The following SMIM36 variants were observed in gnomAD, a reference collection of about 807,000 sequenced individuals.
The protein encoded by SMIM36 is small integral membrane protein 36.
At chr17:55,489,114 A>G (rs1240760936) in intron 1 of SMIM36, among the ~76,000 whole-genome samples, 2 of 152,012 alleles carry the variant, frequency 1.3e-5, no homozygotes, top group African/African-American at 4.8e-5. Flanking sequence ...ACAATGACTC[A>G]CGCCTGTAAT....
chr17:55,515,925 TC>T (rs1284655669), upstream of SMIM36, among the ~76,000 whole-genome samples: 1 of 152,250 alleles, frequency 6.6e-6, no homozygotes, highest in Non-Finnish European at 1.5e-5. Flanking sequence ...TATACCAAGC[TC>T]TTTTAGATCC....
chr17:55,511,381 G>A, exon 1 of SMIM36: 1 of 398,006 alleles, frequency 2.5e-6, no homozygotes, highest in Non-Finnish European at 4.4e-6. Context: ...GGCAATTGGG[G>A]TCAGTTTGGG....
At chr17:55,483,969 T>TTC (rs1483997449) in intron 1 of SMIM36, among the ~76,000 whole-genome samples, 3 of 151,892 alleles carry the variant, frequency 2.0e-5, no homozygotes, top group Admixed American at 6.6e-5. Context: ...CTCTTTTTCT[T>TTC]TCTCTCTCTC....
the SMIM36 span, among the ~76,000 whole-genome samples, chr17:55,530,522 C>T: frequency 3.9e-5 from 6 of 152,302 alleles, no homozygotes; most frequent in African/African-American, 4.8e-5. Flanking sequence ...CGGTGGCTCA[C>T]GCTTGTAATC....
chr17:55,453,816 T>A (rs958199001), intron 4 of SMIM36, among the ~76,000 whole-genome samples: 7 of 152,204 alleles, frequency 4.6e-5, no homozygotes, highest in Non-Finnish European at 8.8e-5. Flanking sequence ...GGGTCAAGAC[T>A]AAGTAGGGCA....
rs1909178498 is a variant in SMIM36 at position 55,463,367 on chromosome 17, A to G, written c.*531+3778T>C. On this transcript the variant is annotated intron_variant, in intron 4 of 4. Coordinates refer to ENST00000636752, the Ensembl canonical transcript of SMIM36. ...CTAGGAATTCAAAGCCAGCCTGGGC[A>G]ACATAGTGAGAACCCATCCCTAAAA... Among the ~76,000 whole-genome samples, 3 of 152,190 alleles carry G rather than the reference A, an allele frequency of 2.0e-5. No individual in the cohort carries two copies. The South Asian group carries it at 6.2e-4, about 32-fold the overall frequency.
At chr17:55,522,985 T>G in the SMIM36 span, among the ~76,000 whole-genome samples, 2 of 151,962 alleles carry the variant, frequency 1.3e-5, no homozygotes, top group African/African-American at 4.8e-5. Flanking sequence ...GAAATAATGG[T>G]GATAAAAAAA....
intron 1 of SMIM36, among the ~76,000 whole-genome samples, chr17:55,503,945 C>G (rs1160896233): frequency 1.6e-5 from 2 of 121,430 alleles, no homozygotes; most frequent in Non-Finnish European, 3.3e-5. Context: ...ATAAAACAGA[C>G]TTTAAACCAA....
At chr17:55,453,474 A>G (rs984824810) in intron 4 of SMIM36, among the ~76,000 whole-genome samples, 1 of 152,188 alleles carries the variant, frequency 6.6e-6, no homozygotes, top group Non-Finnish European at 1.5e-5. Flanking sequence ...GATCCAAATA[A>G]AATATACCAG....
intron 1 of SMIM36, among the ~76,000 whole-genome samples, chr17:55,483,816 G>T (rs560872533): frequency 6.6e-6 from 1 of 152,058 alleles, no homozygotes; most frequent in Admixed American, 6.6e-5. Flanking sequence ...GTAGAGATGG[G>T]TTTCACCACA....
intron 1 of SMIM36, among the ~76,000 whole-genome samples, chr17:55,508,091 T>C (rs1211212862): frequency 6.6e-6 from 1 of 152,078 alleles, no homozygotes; most frequent in East Asian, 1.9e-4. Flanking sequence ...GAGCTATTAG[T>C]GTCTGGTGGT....
intron 1 of SMIM36, among the ~76,000 whole-genome samples, chr17:55,490,173 G>A (rs1296696794): frequency 2.6e-5 from 4 of 151,996 alleles, no homozygotes; most frequent in Non-Finnish European, 4.4e-5. Context: ...GTATTTTTGC[G>A]GGAGTCATAA....
At chr17:55,512,058 T>G (rs9899519), upstream of SMIM36, among the ~76,000 whole-genome samples, 1,011 of 151,984 alleles carry the variant, frequency 6.7e-3, 9 homozygotes, top group African/African-American at 0.023. Flanking sequence ...TTAAGAACAG[T>G]GGAAATCAGT....
At chr17:55,515,141 T>C (rs1455376340), upstream of SMIM36, among the ~76,000 whole-genome samples, 2 of 125,072 alleles carry the variant, frequency 1.6e-5, no homozygotes, top group African/African-American at 2.9e-5. Flanking sequence ...CTAGATAGAA[T>C]GGAAAGTGAA....
chr17:55,523,600 C>T, the SMIM36 span, among the ~76,000 whole-genome samples: 1 of 151,846 alleles, frequency 6.6e-6, no homozygotes, highest in African/African-American at 2.4e-5. Context: ...GGAGAGAGGC[C>T]TCAGAAGAAA....
In SMIM36 at chr17:55,489,339, C is replaced by G. The variant is rs1271134073; in HGVS notation, c.*175-9759G>C. Among the ~76,000 whole-genome samples, 3 of 151,976 alleles carry G rather than the reference C, an allele frequency of 2.0e-5. No individual in the cohort carries two copies. In the East Asian group the frequency reaches 5.8e-4, roughly 29 times the overall value. On this transcript the variant is annotated intron_variant, in intron 1 of 4. Transcript: ENST00000636752. ...GTTGCAGTGAGCCGAGATCACTCCA[C>G]TGCACTCTTGCCTGGACAGAACAAA...
chr17:55,452,673 G>A (rs1908941636), intron 4 of SMIM36, among the ~76,000 whole-genome samples: 1 of 152,154 alleles, frequency 6.6e-6, no homozygotes, highest in Non-Finnish European at 1.5e-5. Context: ...GTCATCACTT[G>A]GCTCACATCC....
chr17:55,458,801 A>G (rs1214600717), intron 4 of SMIM36, among the ~76,000 whole-genome samples: 1 of 151,440 alleles, frequency 6.6e-6, no homozygotes, highest in Admixed American at 6.6e-5. Context: ...GGGGAAGACT[A>G]CCTCCCTTGT....
exon 1 of SMIM36, chr17:55,511,376 T>C (rs1910179827): frequency 7.5e-6 from 3 of 398,034 alleles, no homozygotes; most frequent in East Asian, 7.1e-5. Flanking sequence ...AGAAAGGCAA[T>C]TGGGGTCAGT....
Sources: gnomAD v4.1 joint callset for allele counts (sites outside exome capture counted in the v4.1 genomes callset) on GRCh38, gnomAD v4.1.1 for gene constraint, MANE v1.5 for transcripts, NCBI Gene and HGNC (gene_info 2026-07-23, HGNC 2026-07-21) for gene names.